Variants in TMEM163 observed in about 807,000 individuals in gnomAD.
The protein encoded by TMEM163 is transmembrane protein 163.
A neutral mutation model predicts 29.3 loss-of-function variants in TMEM163; 17 were observed. That is an observed-to-expected ratio of 0.58 (90% CI 0.40 to 0.87). TMEM163 has a LOEUF of 0.87. Among genes scored for constraint, TMEM163 ranks in the 40% least tolerant of loss-of-function variants. TMEM163 has a pLI of 0.00. For synonymous variants in TMEM163, 157 were observed against 160.6 expected, an observed-to-expected ratio of 0.98 and a Z score of 0.17; for missense variants, 303 against 381.5, an observed-to-expected ratio of 0.79 and a Z score of 1.71.
At chr2:134,546,667 G>T (rs1169078121) in intron 4 of TMEM163, among the ~76,000 whole-genome samples, 2 of 129,154 alleles carry the variant, frequency 1.5e-5, no homozygotes, top group African/African-American at 3.1e-5. Flanking sequence ...AAAAAAATTA[G>T]CCAGGTGTGG....
chr2:134,574,990 G>A (rs1204713309), intron 2 of TMEM163, among the ~76,000 whole-genome samples: 1 of 151,132 alleles, frequency 6.6e-6, no homozygotes, highest in Non-Finnish European at 1.5e-5. Flanking sequence ...CTGTATGGTA[G>A]AGAAGGCATG....
At chr2:134,632,196 C>G (rs1682983353) in intron 2 of TMEM163, among the ~76,000 whole-genome samples, 1 of 152,158 alleles carries the variant, frequency 6.6e-6, no homozygotes. Flanking sequence ...GGACCAGTGA[C>G]TTACCCAATT....
At chr2:134,482,012 G>A (rs925255160) in intron 5 of TMEM163, among the ~76,000 whole-genome samples, 25 of 152,078 alleles carry the variant, frequency 1.6e-4, no homozygotes, top group Admixed American at 4.6e-4. Flanking sequence ...TGGAGGTGGC[G>A]GTGAGAGTGA....
At chr2:134,697,822 G>A (rs1009010753) in intron 2 of TMEM163, among the ~76,000 whole-genome samples, 9 of 151,918 alleles carry the variant, frequency 5.9e-5, no homozygotes, top group African/African-American at 2.2e-4. Context: ...ATGAGATTTA[G>A]TTTGCAAATA....
At chr2:134,692,117 G>A (rs1684482585) in intron 2 of TMEM163, among the ~76,000 whole-genome samples, 1 of 152,062 alleles carries the variant, frequency 6.6e-6, no homozygotes, top group Non-Finnish European at 1.5e-5. Context: ...CTTAAAGACT[G>A]GAGTGATATG....
At chr2:134,542,014 T>C (rs1009512508) in intron 4 of TMEM163, among the ~76,000 whole-genome samples, 2 of 152,220 alleles carry the variant, frequency 1.3e-5, no homozygotes, top group Non-Finnish European at 2.9e-5. Flanking sequence ...AACAATCTTT[T>C]TATCCCCTCA....
chr2:134,651,436 G>T, intron 2 of TMEM163, among the ~76,000 whole-genome samples: 1 of 117,498 alleles, frequency 8.5e-6, no homozygotes, highest in African/African-American at 4.1e-5. Context: ...TGTAGATTCT[G>T]GATATTAGCC....
At chr2:134,627,281 G>T (rs1436651742) in intron 2 of TMEM163, among the ~76,000 whole-genome samples, 1 of 151,942 alleles carries the variant, frequency 6.6e-6, no homozygotes, top group East Asian at 1.9e-4. Flanking sequence ...CCTTATATAT[G>T]TACTTTAGAA....
chr2:134,550,644 G>A lies in TMEM163; in HGVS notation c.384C>T (p.Asp128=), dbSNP rs754153578. ...AFGFAFDAIL[D]VLSSAIVLWR... ...ACAGGACAATCGCCGATGACAGGAC[G>A]TCCAGGATGGCATCAAACTAGGAGA... Residue 128 remains aspartate, a synonymous_variant, in exon 4 of 8, where the codon GAC becomes GAT. Coordinates refer to ENST00000281924, the MANE Select transcript of TMEM163 (RefSeq NM_030923.5). The A allele has an allele frequency of 1.7e-5, 28 of 1,614,056 alleles. No individual in the cohort carries two copies. Among genetic ancestry groups the A allele is most frequent in the East Asian group, 4.5e-5 (2 of 44,898 alleles).
intron 4 of TMEM163, among the ~76,000 whole-genome samples, chr2:134,512,003 C>T (rs1245021555): frequency 6.6e-6 from 1 of 152,152 alleles, no homozygotes; most frequent in Non-Finnish European, 1.5e-5. Flanking sequence ...AGAAGCTGAT[C>T]ATGGTTTTTG....
chr2:134,613,679 A>G (rs1016976634), intron 2 of TMEM163, among the ~76,000 whole-genome samples: 1 of 152,182 alleles, frequency 6.6e-6, no homozygotes, highest in Non-Finnish European at 1.5e-5. Flanking sequence ...TTGTCCTTCA[A>G]AAATGAAGGC....
At chr2:134,682,169 T>C (rs964750295) in intron 2 of TMEM163, among the ~76,000 whole-genome samples, 1 of 152,238 alleles carries the variant, frequency 6.6e-6, no homozygotes, top group Non-Finnish European at 1.5e-5. Flanking sequence ...CTATTCTTGA[T>C]GCATGGGACT....
chr2:134,601,563 C>A (rs1376881953), intron 2 of TMEM163, among the ~76,000 whole-genome samples: 20 of 152,216 alleles, frequency 1.3e-4, no homozygotes, highest in African/African-American at 4.3e-4. Context: ...GGCTGGACCA[C>A]AGCTGTGTTC....
intron 5 of TMEM163, among the ~76,000 whole-genome samples, chr2:134,491,070 A>G (rs912675031): frequency 2.0e-5 from 3 of 152,192 alleles, no homozygotes; most frequent in Non-Finnish European, 2.9e-5. Flanking sequence ...TACAGAGAGA[A>G]AGAAGAGCTA....
intron 2 of TMEM163, among the ~76,000 whole-genome samples, chr2:134,603,239 T>A (rs1395990194): frequency 6.6e-6 from 1 of 152,200 alleles, no homozygotes; most frequent in Non-Finnish European, 1.5e-5. Flanking sequence ...TTAATAAGGC[T>A]TTTTCCCTTT....
chr2:134,654,258 T>G (rs1405992212), intron 2 of TMEM163, among the ~76,000 whole-genome samples: 1 of 128,118 alleles, frequency 7.8e-6, no homozygotes, highest in East Asian at 2.0e-4. Flanking sequence ...ATATTTAGGA[T>G]AGTTAGCTCT....
chr2:134,617,404 A>C (rs1682630465), intron 2 of TMEM163, among the ~76,000 whole-genome samples: 1 of 152,156 alleles, frequency 6.6e-6, no homozygotes, highest in Admixed American at 6.5e-5. Flanking sequence ...TGAGGTCAGG[A>C]ATTTTAGACC....
intron 2 of TMEM163, among the ~76,000 whole-genome samples, chr2:134,644,407 A>T (rs990094780): frequency 2.0e-5 from 3 of 152,196 alleles, no homozygotes; most frequent in African/African-American, 4.8e-5. Flanking sequence ...TTAGCAAAAG[A>T]AAAACAAGTA....
At chr2:134,718,362 C>T (rs1685083023) in intron 1 of TMEM163, among the ~76,000 whole-genome samples, 1 of 152,240 alleles carries the variant, frequency 6.6e-6, no homozygotes, top group South Asian at 2.1e-4. Context: ...GCCTGGGTCC[C>T]TCCGAGCTGA....
Sources: gnomAD v4.1 joint callset for allele counts (sites outside exome capture counted in the v4.1 genomes callset) on GRCh38, gnomAD v4.1.1 for gene constraint, MANE v1.5 for transcripts, NCBI Gene and HGNC (gene_info 2026-07-23, HGNC 2026-07-21) for gene names.